The following USP40 variants were observed in gnomAD, a reference collection of about 807,000 sequenced individuals.
USP40 encodes ubiquitin carboxyl-terminal hydrolase 40.
USP40 carries 143 observed loss-of-function variants against 166.2 expected under a neutral mutation model. The ratio of observed to expected loss-of-function variants is 0.86; its 90% CI spans 0.75 to 0.99. The LOEUF is 0.99. Ranked by LOEUF, USP40 falls within the 50% of genes least tolerant of loss-of-function variation. The pLI is 0.00. For missense variants in USP40, 1,444 were observed against 1,479.7 expected (o/e 0.98, Z 0.40); for synonymous variants, 498 against 524.0 (o/e 0.95, Z 0.68).
chr2:233,522,038 A>C (rs1271937907), intron 16 of USP40, among the ~76,000 whole-genome samples: 1 of 152,206 alleles, frequency 6.6e-6, no homozygotes, highest in Non-Finnish European at 1.5e-5. Flanking sequence ...ACCTTGCCCA[A>C]GGTCCCACTA....
intron 25 of USP40, chr2:233,492,740 G>A (rs1404151315): frequency 2.0e-5 from 3 of 152,120 alleles, no homozygotes; most frequent in Non-Finnish European, 4.4e-5. Context: ...CAAGGCACTA[G>A]AAAAACTAAA....
intron 5 of USP40, 113 bp from the exon 6 acceptor site, chr2:233,554,639 A>G: frequency 1.3e-6 from 1 of 788,352 alleles, no homozygotes. Flanking sequence ...AAACATTACA[A>G]ATAAAGATGT....
chr2:233,544,363 AT>A (rs1201220053), intron 8 of USP40, among the ~76,000 whole-genome samples: 1 of 152,054 alleles, frequency 6.6e-6, no homozygotes, highest in Non-Finnish European at 1.5e-5. Context: ...CCCAAACCTA[AT>A]TTTTCAAGAG....
chr2:233,538,371 G>A (rs1369067832), intron 10 of USP40, among the ~76,000 whole-genome samples: 2 of 152,078 alleles, frequency 1.3e-5, no homozygotes, highest in African/African-American at 4.8e-5. Flanking sequence ...AAACAGAAGA[G>A]CAGAGAAAAT....
At chr2:233,551,345 A>G (rs762824172) in intron 7 of USP40, 31 bp downstream of exon 7, 2 of 1,565,646 alleles carry the variant, frequency 1.3e-6, no homozygotes, top group East Asian at 2.3e-5. Flanking sequence ...AGAGGGGAAA[A>G]GAAAGAATTT....
intron 21 of USP40, among the ~76,000 whole-genome samples, chr2:233,509,686 C>A (rs2066662406): frequency 1.3e-5 from 2 of 151,540 alleles, no homozygotes; most frequent in Non-Finnish European, 2.9e-5. Context: ...ACTAAAAATA[C>A]AAAAATTAGC....
chr2:233,529,969 T>C (rs1320143336), intron 11 of USP40, among the ~76,000 whole-genome samples: 2 of 151,270 alleles, frequency 1.3e-5, no homozygotes, highest in African/African-American at 4.9e-5. Context: ...CTGGCTAATT[T>C]TTGTATTTTT....
At chr2:233,532,306 G>A (rs1391842177) in intron 11 of USP40, among the ~76,000 whole-genome samples, 2 of 152,148 alleles carry the variant, frequency 1.3e-5, no homozygotes, top group Non-Finnish European at 1.5e-5. Context: ...CTTCAACCTA[G>A]CCTCTGATTG....
chr2:233,506,057 A>AG, intron 21 of USP40, among the ~76,000 whole-genome samples: 1 of 152,340 alleles, frequency 6.6e-6, no homozygotes, highest in Middle Eastern at 3.4e-3. Flanking sequence ...GTGAGCAAAA[A>AG]GAACAGAGCT....
At chr2:233,538,040 T>G (rs926078287) in intron 10 of USP40, among the ~76,000 whole-genome samples, 1 of 152,168 alleles carries the variant, frequency 6.6e-6, no homozygotes, top group Non-Finnish European at 1.5e-5. Flanking sequence ...AATGAAATTA[T>G]ACTATTGTAA....
Position 233,493,220 on chromosome 2 carries a change from G to T in USP40, c.2917+205C>A. 1 of 652,224 alleles carries T rather than the reference G, an allele frequency of 1.5e-6. No homozygotes were observed. Among genetic ancestry groups the T allele is most frequent in the Non-Finnish European group, 2.6e-6 (1 of 380,724 alleles). 40.4% of individuals were successfully genotyped at this position (652,224 alleles called of 1,614,324 possible). On this transcript the variant is annotated intron_variant, in intron 25 of 31. Transcript: ENST00000678225. The surrounding 1 kb of genome is among the most constrained non-coding windows in gnomAD (Gnocchi z 4.7). ...AATAATAAACAACAAGATATATAGT[G>T]CTTTACAGAGGTTACAGAGCACGTA...
At chr2:233,494,938 A>T (rs1218429906) in intron 24 of USP40, among the ~76,000 whole-genome samples, 45 of 47,588 alleles carry the variant, frequency 9.5e-4, no homozygotes, top group South Asian at 2.1e-3. Flanking sequence ...ATATATATAT[A>T]TATATATATA....
Position 233,486,478 on chromosome 2 carries a change from G to C in USP40, c.3198-501C>G, listed in dbSNP as rs1291306217. Among the ~76,000 whole-genome samples, 1 of 152,172 alleles carries C rather than the reference G, an allele frequency of 6.6e-6. No individual in the cohort carries two copies. Among genetic ancestry groups the C allele is most frequent in the Admixed American group, 6.5e-5 (1 of 15,284 alleles). On this transcript the variant is annotated intron_variant, in intron 28 of 31. Transcript: ENST00000678225. This position sits in a 1 kb window ranked among gnomAD's most constrained non-coding sequence, Gnocchi z 4.0. ...AGGGCGGGTGAGACACAAGGCTGCAGCTGTGGGAGATGGGAAACCTTAGCA... is the reference window on the plus strand; with the variant it reads ...AGGGCGGGTGAGACACAAGGCTGCACCTGTGGGAGATGGGAAACCTTAGCA...
chr2:233,530,441 A>C (rs1308381424), intron 11 of USP40, among the ~76,000 whole-genome samples: 1 of 152,210 alleles, frequency 6.6e-6, no homozygotes, highest in Non-Finnish European at 1.5e-5. Flanking sequence ...AGGAACAATA[A>C]ACATCTTTGA....
At chr2:233,540,611 A>G (rs370576744) in intron 10 of USP40, 51 bp downstream of exon 10, 6 of 1,142,952 alleles carry the variant, frequency 5.2e-6, no homozygotes, top group Non-Finnish European at 7.7e-6. Flanking sequence ...TGTTGCGATC[A>G]TAATGAAATT....
At position 233,542,256 on chromosome 2, in the gene USP40, CACAT is replaced by C; in HGVS notation, c.1062+8_1062+11del. ...TACCATACATACAAATACATACACA[CACAT>C]ACTATACCTCTAATAAGATTGCTTT... On this transcript the variant is annotated splice_region_variant and intron_variant, in intron 9 of 31. Coordinates refer to ENST00000678225, the MANE Select transcript of USP40 (RefSeq NM_001365479.2). 1 of 1,455,948 alleles carries C rather than the reference CACAT, an allele frequency of 6.9e-7. No homozygotes were observed. The allele number at this position is 1,455,948 out of a possible 1,614,324, so 90.2% of individuals were successfully genotyped here.
intron 7 of USP40, among the ~76,000 whole-genome samples, chr2:233,550,992 T>C (rs2070493986): frequency 6.6e-6 from 1 of 152,154 alleles, no homozygotes; most frequent in Non-Finnish European, 1.5e-5. Flanking sequence ...TAAAGAAGGG[T>C]TTAATAAAAA....
chr2:233,523,519 C>T (rs779842987), intron 15 of USP40, 30 bp from the exon 16 acceptor site: 8 of 1,580,168 alleles, frequency 5.1e-6, no homozygotes, highest in African/African-American at 4.0e-5. Flanking sequence ...ACCATTAGTA[C>T]AGCTGATATT....
In USP40 at chr2:233,512,635, G is replaced by GCAATATTATTTTTCTTA; in HGVS notation, c.2384-14_2384-13insTAAGAAAAATAATATTG. 8.7e-7 allele frequency: 1 copy of GCAATATTATTTTTCTTA among 1,148,270 alleles called. No homozygotes were observed. Among genetic ancestry groups the GCAATATTATTTTTCTTA allele is most frequent in the Non-Finnish European group, 1.2e-6 (1 of 852,988 alleles). 71.1% of individuals were successfully genotyped at this position (1,148,270 alleles called of 1,614,324 possible). On this transcript the variant is annotated splice_polypyrimidine_tract_variant and intron_variant, in intron 18 of 31. Coordinates refer to ENST00000678225, the MANE Select transcript of USP40 (RefSeq NM_001365479.2). ...CAGCTGTTGTCAGCTATATATAAAA[G>GCAATATTATTTTTCTTA]GAATATTATTTTTCTTAGAGAGCTA... is the stretch of plus-strand genomic sequence containing the variant.
Sources: gnomAD v4.1 joint callset for allele counts (sites outside exome capture counted in the v4.1 genomes callset) on GRCh38, gnomAD v4.1.1 for gene constraint, Gnocchi (gnomAD v3.1) non-coding constraint, MANE v1.5 for transcripts, NCBI Gene and HGNC (gene_info 2026-07-23, HGNC 2026-07-21) for gene names.